SLC2A13: variants seen among roughly 807,000 people sequenced by gnomAD.
SLC2A13 encodes the protein proton myo-inositol cotransporter.
A neutral mutation model predicts 64.4 loss-of-function variants in SLC2A13; 32 were observed. The observed-to-expected ratio is 0.50, with a 90% CI of 0.37 to 0.67. SLC2A13 has a LOEUF of 0.67. Ranked by LOEUF, SLC2A13 falls within the 30% of genes least tolerant of loss-of-function variation. SLC2A13 has a pLI of 0.00. For synonymous variants in SLC2A13, 338 were observed against 327.1 expected (o/e 1.03, Z -0.36); for missense variants, 743 against 829.2 (o/e 0.90, Z 1.28).
At chr12:40,069,717 C>T (rs1316977045) in intron 1 of SLC2A13, among the ~76,000 whole-genome samples, 2 of 151,374 alleles carry the variant, frequency 1.3e-5, no homozygotes, top group Non-Finnish European at 2.9e-5. Flanking sequence ...TATTATTATT[C>T]ATCTAACAAA....
intron 3 of SLC2A13, among the ~76,000 whole-genome samples, chr12:39,986,469 A>G (rs1038333782): frequency 6.6e-6 from 1 of 152,090 alleles, no homozygotes; most frequent in African/African-American, 2.4e-5. Context: ...ATGTTTTTTA[A>G]GTTCAATCTG....
chr12:39,904,791 C>T (rs929190600), intron 4 of SLC2A13, among the ~76,000 whole-genome samples: 9 of 152,112 alleles, frequency 5.9e-5, no homozygotes, highest in Non-Finnish European at 7.4e-5. Flanking sequence ...TAAGTGCATG[C>T]TACTTCTTTA....
At chr12:39,920,923 A>G (rs539948927) in intron 4 of SLC2A13, among the ~76,000 whole-genome samples, 1 of 152,052 alleles carries the variant, frequency 6.6e-6, no homozygotes, top group African/African-American at 2.4e-5. Flanking sequence ...CTCATTAGAC[A>G]GTGTAACTAA....
intron 4 of SLC2A13, among the ~76,000 whole-genome samples, chr12:39,913,668 T>C (rs1269368512): frequency 6.6e-6 from 1 of 151,908 alleles, no homozygotes; most frequent in Non-Finnish European, 1.5e-5. Flanking sequence ...ACATAATTTG[T>C]TCATAAGAAT....
In SLC2A13 at chr12:40,105,636, C is replaced by A. The variant is rs779892258; in HGVS notation, c.173G>T (p.Gly58Val). 5.4e-6 allele frequency: 8 copies of A among 1,484,246 alleles called. No individual in the cohort carries two copies. The East Asian group carries it at 1.4e-4, about 26-fold the overall frequency. 91.9% of individuals were successfully genotyped at this position (1,484,246 alleles called of 1,614,324 possible). The change falls in exon 1 of 10, where the codon GGC (glycine) becomes GTC (valine). Residue 58 changes from glycine (G) to valine (V), a missense_variant. Coordinates refer to ENST00000280871, the MANE Select transcript of SLC2A13 (RefSeq NM_052885.4). This position sits in a 1 kb window ranked among gnomAD's most constrained non-coding sequence, Gnocchi z 4.2. ...STSLQSAGAG[G>V]GGVGDLERAA... The stretch of plus-strand genomic sequence containing the variant: ...GCGCTCCAGGTCCCCGACGCCGCCG[C>A]CGCCCGCGCCCGCGCTCTGCAGGCT...
At chr12:40,069,479 GAA>G (rs1407633210) in intron 1 of SLC2A13, among the ~76,000 whole-genome samples, 1 of 152,038 alleles carries the variant, frequency 6.6e-6, no homozygotes, top group East Asian at 1.9e-4. Context: ...AGAGAAAAAA[GAA>G]AAGTCTCCTG....
At chr12:39,920,266 T>A (rs1027007970) in intron 4 of SLC2A13, among the ~76,000 whole-genome samples, 6 of 152,156 alleles carry the variant, frequency 3.9e-5, no homozygotes, top group African/African-American at 7.2e-5. Flanking sequence ...TGTGTGTATG[T>A]AATAAGAGAC....
intron 3 of SLC2A13, among the ~76,000 whole-genome samples, chr12:40,013,311 G>A (rs4625545): frequency 0.32 from 48,409 of 151,984 alleles, 7,826 homozygotes; most frequent in African/African-American, 0.35. Context: ...CTCTTTTCAT[G>A]TCTAAAAATA....
intron 4 of SLC2A13, among the ~76,000 whole-genome samples, chr12:39,897,976 CATA>C (rs1944971915): frequency 6.6e-6 from 1 of 151,962 alleles, no homozygotes; most frequent in Non-Finnish European, 1.5e-5. Flanking sequence ...ATGCTTGGCA[CATA>C]ATAAACACTT....
At chr12:39,786,726 C>A (rs977090415) in intron 7 of SLC2A13, among the ~76,000 whole-genome samples, 8 of 152,096 alleles carry the variant, frequency 5.3e-5, no homozygotes, top group African/African-American at 1.9e-4. Context: ...CTGGGCTCAG[C>A]CTTGGTGGGT....
chr12:39,915,498 A>G (rs1407980127), intron 4 of SLC2A13, among the ~76,000 whole-genome samples: 2 of 152,044 alleles, frequency 1.3e-5, no homozygotes, highest in Non-Finnish European at 2.9e-5. Flanking sequence ...TTCAGTCACA[A>G]GACAATTCAT....
chr12:40,020,508 T>C (rs1036997178), intron 3 of SLC2A13, among the ~76,000 whole-genome samples: 6 of 152,226 alleles, frequency 3.9e-5, no homozygotes, highest in South Asian at 2.1e-4. Flanking sequence ...TGTGAGTCAA[T>C]TAAACCTCTT....
intron 4 of SLC2A13, among the ~76,000 whole-genome samples, chr12:39,896,480 G>A (rs910234954): frequency 2.1e-5 from 3 of 145,296 alleles, no homozygotes; most frequent in Non-Finnish European, 3.0e-5. Flanking sequence ...ATATGTATAT[G>A]TGTATATATG....
intron 3 of SLC2A13, among the ~76,000 whole-genome samples, chr12:39,951,924 TTAA>T: frequency 6.6e-6 from 1 of 152,252 alleles, no homozygotes; most frequent in South Asian, 2.1e-4. Context: ...TACCAAAAAG[TTAA>T]TAAAGAAAAA....
At chr12:39,972,857 C>T (rs28370721) in intron 3 of SLC2A13, among the ~76,000 whole-genome samples, 43 of 152,194 alleles carry the variant, frequency 2.8e-4, no homozygotes, top group African/African-American at 9.4e-4. Context: ...CACCTGAGGT[C>T]GGGAGTTCGA....
chr12:39,893,387 C>T (rs1011977727), intron 4 of SLC2A13, among the ~76,000 whole-genome samples: 2 of 152,230 alleles, frequency 1.3e-5, no homozygotes, highest in Non-Finnish European at 2.9e-5. Context: ...GCAACCTCCG[C>T]CTCCCAGGTT....
chr12:39,809,361 G>T (rs772144556), intron 7 of SLC2A13, among the ~76,000 whole-genome samples: 2 of 152,064 alleles, frequency 1.3e-5, no homozygotes, highest in South Asian at 2.1e-4. Context: ...TCTTTTTCAG[G>T]AATGTTTTGG....
chr12:39,901,907 G>T (rs1945126504), intron 4 of SLC2A13, among the ~76,000 whole-genome samples: 1 of 151,802 alleles, frequency 6.6e-6, no homozygotes, highest in Non-Finnish European at 1.5e-5. Flanking sequence ...GTTTATTGCG[G>T]CATTATTCCC....
At chr12:40,085,094 T>C (rs1455980140) in intron 1 of SLC2A13, among the ~76,000 whole-genome samples, 2 of 152,098 alleles carry the variant, frequency 1.3e-5, no homozygotes, top group Non-Finnish European at 2.9e-5. Context: ...CAGATGAACA[T>C]ATGGAGGTTG....
Sources: allele counts gnomAD v4.1 joint callset (sites outside exome capture counted in the v4.1 genomes callset), GRCh38; gene constraint gnomAD v4.1.1; non-coding constraint Gnocchi (gnomAD v3.1); transcripts MANE v1.5; gene names NCBI Gene and HGNC (gene_info 2026-07-23, HGNC 2026-07-21).